The following CST1 variants were observed in gnomAD, a reference collection of about 807,000 sequenced individuals.
CST1 encodes the protein cystatin SN.
A neutral mutation model predicts 10.7 loss-of-function variants in CST1; 19 were observed. The observed-to-expected ratio is 1.78, with a 90% CI of 1.24 to 2.61. The LOEUF is 2.61. Ranked by LOEUF, CST1 falls within the 30% of genes most tolerant of loss-of-function variation. The pLI is 0.00. For synonymous variants in CST1, 95 were observed against 72.8 expected (o/e 1.31, Z -1.55); for missense variants, 247 against 178.1 (o/e 1.39, Z -2.20).
intron 1 of CST1, 47 bp downstream of exon 1, chr20:23,750,592 C>G: frequency 6.4e-7 from 1 of 1,574,386 alleles, no homozygotes; most frequent in Non-Finnish European, 8.7e-7. Flanking sequence ...GGTTGGGGAA[C>G]AAACCAGGCT....
At chr20:23,750,269 C>G (rs1041973212) in intron 1 of CST1, among the ~76,000 whole-genome samples, 1 of 152,160 alleles carries the variant, frequency 6.6e-6, no homozygotes, top group African/African-American at 2.4e-5. Flanking sequence ...AACAGTGAGC[C>G]AGGTTCCTGT....
At chr20:23,750,577 T>G in intron 1 of CST1, 62 bp downstream of exon 1, 1 of 1,443,172 alleles carries the variant, frequency 6.9e-7, no homozygotes, top group Non-Finnish European at 9.7e-7. Flanking sequence ...GGGAATGCTC[T>G]TGGGGGTTGG....
At position 23,747,796 on chromosome 20, in the gene CST1, G is replaced by T. The variant is rs1211054292; in HGVS notation, c.*20C>A. 1 of 1,611,452 alleles carries T rather than the reference G, an allele frequency of 6.2e-7. No individual in the cohort carries two copies. Among genetic ancestry groups the T allele is most frequent in the Non-Finnish European group, 8.5e-7 (1 of 1,177,798 alleles). On this transcript the variant is annotated 3_prime_UTR_variant, in exon 3 of 3. Transcript: ENST00000304749. ...GGTGGGAGTGGGTGGTGGCTGGTGC[G>T]AATGGCCTGGCACAGATCCCTAGGA...
At chr20:23,750,250 G>C (rs1427326642) in intron 1 of CST1, among the ~76,000 whole-genome samples, 2 of 152,200 alleles carry the variant, frequency 1.3e-5, no homozygotes, top group Non-Finnish European at 2.9e-5. Context: ...GGGAAGCAGG[G>C]CTCTGCAGAA....
In CST1 at chr20:23,747,896, G is replaced by C. The variant is rs1412335782; in HGVS notation, c.346C>G (p.Gln116Glu). The change falls in exon 3 of 3, where the codon CAG becomes GAG. Residue 116 changes from glutamine to glutamate, a missense_variant. Gln to Glu is a conservative substitution (Grantham distance 29). Coordinates refer to ENST00000304749, the MANE Select transcript of CST1 (RefSeq NM_001898.3). Reference sequence around the variant, plus strand: ...TCGTAGATCTCGAAAGAGCACAACTGTTTCTGTGAAAGGGAAGAGAGAGGG... The same window carrying C: ...TCGTAGATCTCGAAAGAGCACAACTCTTTCTGTGAAAGGGAAGAGAGAGGG... ...FHEQPELQKK[Q>E]LCSFEIYEVP... 1 of 1,613,642 alleles carries C rather than the reference G, an allele frequency of 6.2e-7. No individual in the cohort carries two copies. Among genetic ancestry groups the C allele is most frequent in the Admixed American group, 1.7e-5 (1 of 60,014 alleles).
chr20:23,747,801 G>C lies in CST1; in HGVS notation c.*15C>G, dbSNP rs1982704254. On this transcript the variant is annotated 3_prime_UTR_variant, in exon 3 of 3. Transcript: ENST00000304749. ...GAGTGGGTGGTGGCTGGTGCGAATG[G>C]CCTGGCACAGATCCCTAGGATTCTT... is the stretch of plus-strand genomic sequence containing the variant. 5.0e-6 allele frequency: 8 copies of C among 1,612,530 alleles called. No homozygotes were observed. In the Admixed American group the frequency reaches 5.0e-5, roughly 10 times the overall value.
chr20:23,748,163 C>T (rs1435334133), intron 2 of CST1, among the ~76,000 whole-genome samples: 4 of 152,124 alleles, frequency 2.6e-5, no homozygotes, highest in Non-Finnish European at 4.4e-5. Context: ...TGAGGAGTAG[C>T]CTGGGCAAGG....
chr20:23,748,322 C>G lies in CST1; in HGVS notation c.343-423G>C, dbSNP rs954911102. Among the ~76,000 whole-genome samples the G allele has an allele frequency of 2.6e-5, 4 of 152,096 alleles. 1 individual carries two copies. Among genetic ancestry groups the G allele is most frequent in the Admixed American group, 6.5e-5 (1 of 15,278 alleles). On this transcript the variant is annotated intron_variant, in intron 2 of 2. Transcript: ENST00000304749. ...CCCCTCAAAGAGCTGGGGCATGGGG[C>G]AAGGGCAACAAGGGGAGTGTGGCTC...
chr20:23,747,772 G>A lies in CST1; in HGVS notation c.*44C>T, dbSNP rs376453689. ...TCCAGGGGTGGGAGCACTACAGGGGGTGGGAGTGGGTGGTGGCTGGTGCGA... is the reference window on the plus strand; with the variant it reads ...TCCAGGGGTGGGAGCACTACAGGGGATGGGAGTGGGTGGTGGCTGGTGCGA... On this transcript the variant is annotated 3_prime_UTR_variant, in exon 3 of 3. Coordinates refer to ENST00000304749, the MANE Select transcript of CST1 (RefSeq NM_001898.3). The A allele has an allele frequency of 6.3e-6, 10 of 1,584,436 alleles. No individual in the cohort carries two copies. The highest frequency in any genetic ancestry group is 4.0e-5 in the African/African-American group (3 of 74,308).
chr20:23,748,963 T>TA (rs1982751444), intron 2 of CST1, 53 bp downstream of exon 2: 2 of 1,602,438 alleles, frequency 1.2e-6, no homozygotes, highest in Non-Finnish European at 1.7e-6. Flanking sequence ...GGCTGACACA[T>TA]ACGCACCCCT....
rs1345611916 is a variant in CST1 at position 23,750,816 on chromosome 20, C to T, written c.51G>A (p.Val17=). The T allele has an allele frequency of 6.8e-6, 11 of 1,614,032 alleles. No homozygotes were observed. The highest frequency in any genetic ancestry group is 8.5e-6 in the Non-Finnish European group (10 of 1,179,956). The part of the protein sequence containing the change: ...TLLLLLATLA[V]ALAWSPKEED... ...CCTCCTTGGGGCTCCAGGCCAGGGC[C>T]ACAGCTAGGGTGGCCAGCAGGAGCA... Residue 17 remains valine, a synonymous_variant, in exon 1 of 3, where the codon GTG becomes GTA. Coordinates refer to ENST00000304749, the MANE Select transcript of CST1 (RefSeq NM_001898.3).
chr20:23,750,438 C>A (rs1982797826), intron 1 of CST1, among the ~76,000 whole-genome samples: 1 of 152,216 alleles, frequency 6.6e-6, no homozygotes, highest in African/African-American at 2.4e-5. Context: ...GTGGCTGCTG[C>A]AGGTTAAAGG....
Position 23,750,888 on chromosome 20 carries a change from C to G in CST1, c.-22G>C. On this transcript the variant is annotated 5_prime_UTR_variant, in exon 1 of 3. Coordinates refer to ENST00000304749, the MANE Select transcript of CST1 (RefSeq NM_001898.3). ...CCATGGTCTCCTCAGAGGCAGAGCA[C>G]AAAGCTGGAGCTGCAGGAGAGGAGG... is the stretch of plus-strand genomic sequence containing the variant. 3 of 1,581,484 alleles carry G rather than the reference C, an allele frequency of 1.9e-6. No homozygotes were observed. The highest frequency in any genetic ancestry group is 1.7e-6 in the Non-Finnish European group (2 of 1,160,902).
intron 2 of CST1, among the ~76,000 whole-genome samples, chr20:23,748,198 G>A (rs956403758): frequency 1.6e-4 from 24 of 152,028 alleles, no homozygotes; most frequent in Non-Finnish European, 8.8e-5. Context: ...AGGGTGCAGG[G>A]CATGGGGAGG....
intron 1 of CST1, among the ~76,000 whole-genome samples, chr20:23,749,557 G>A (rs1489471536): frequency 2.6e-5 from 4 of 152,158 alleles, no homozygotes; most frequent in Non-Finnish European, 5.9e-5. Flanking sequence ...TTTCAAGTGT[G>A]AGATTCAAGA....
rs1369114107 is a variant in CST1 at position 23,750,934 on chromosome 20, G to T, written c.-68C>A. The T allele has an allele frequency of 2.5e-5, 33 of 1,334,214 alleles. No individual in the cohort carries two copies. Among genetic ancestry groups the T allele is most frequent in the Middle Eastern group, 2.4e-4 (1 of 4,144 alleles). The allele number at this position is 1,334,214 out of a possible 1,614,324, so 82.6% of individuals were successfully genotyped here. A position where few individuals can be genotyped will look rare whatever the true frequency, so the allele number is the denominator to read the frequency against. On this transcript the variant is annotated 5_prime_UTR_variant, in exon 1 of 3. Coordinates refer to ENST00000304749, the MANE Select transcript of CST1 (RefSeq NM_001898.3). ...GGAGGGTGAGAGCCCGAGGCAGGGA[G>T]CCCAGACCAGCAGGCAGGTGTGCAT...
intron 2 of CST1, among the ~76,000 whole-genome samples, chr20:23,748,666 C>T (rs1455925327): frequency 1.3e-5 from 2 of 152,270 alleles, no homozygotes; most frequent in African/African-American, 2.4e-5. Flanking sequence ...CCTCACCACC[C>T]CATCTGCACA....
chr20:23,749,535 C>T (rs1288472738), intron 1 of CST1, among the ~76,000 whole-genome samples: 1 of 152,168 alleles, frequency 6.6e-6, no homozygotes, highest in East Asian at 1.9e-4. Flanking sequence ...TGGGGCCGCC[C>T]GGATGCCACC....
intron 2 of CST1, among the ~76,000 whole-genome samples, chr20:23,748,411 G>A (rs1292667887): frequency 1.3e-5 from 2 of 152,060 alleles, no homozygotes; most frequent in African/African-American, 2.4e-5. Flanking sequence ...TGGGTGAGCC[G>A]GGCAGGTCCA....
Sources: gnomAD v4.1 joint callset for allele counts (sites outside exome capture counted in the v4.1 genomes callset) on GRCh38, gnomAD v4.1.1 for gene constraint, MANE v1.5 for transcripts, NCBI Gene and HGNC (gene_info 2026-07-23, HGNC 2026-07-21) for gene names.